The following MACROD2 variants were observed in gnomAD, a reference collection of about 807,000 sequenced individuals.
The protein encoded by MACROD2 is ADP-ribose glycohydrolase MACROD2.
MACROD2 carries 36 observed loss-of-function variants against 70.4 expected under a neutral mutation model. The observed-to-expected ratio is 0.51, with a 90% confidence interval of 0.39 to 0.68. The LOEUF (loss-of-function observed/expected upper bound fraction) is 0.68. Ranked by LOEUF, MACROD2 falls within the 30% of genes least tolerant of loss-of-function variation. The pLI is 0.00. For synonymous variants in MACROD2, 172 were observed against 178.8 expected (o/e 0.96, Z 0.30); for missense variants, 496 against 538.4 (o/e 0.92, Z 0.78).
intron 8 of MACROD2, among the ~76,000 whole-genome samples, chr20:15,585,479 A>G (rs1176393379): frequency 2.0e-5 from 3 of 152,124 alleles, no homozygotes; most frequent in African/African-American, 7.2e-5. Flanking sequence ...TAGAGGCGTG[A>G]GCCACCATGC....
chr20:14,235,362 C>T (rs996363846), intron 3 of MACROD2, among the ~76,000 whole-genome samples: 2 of 152,070 alleles, frequency 1.3e-5, no homozygotes, highest in Admixed American at 1.3e-4. Flanking sequence ...CACACACATT[C>T]CCATTTTGTA....
chr20:14,399,168 C>A (rs145684062), intron 3 of MACROD2, among the ~76,000 whole-genome samples: 2 of 152,066 alleles, frequency 1.3e-5, no homozygotes, highest in African/African-American at 4.8e-5. Context: ...TATAGGCACA[C>A]GCCACCACAA....
At chr20:14,561,367 G>A (rs1035044424) in intron 4 of MACROD2, among the ~76,000 whole-genome samples, 1 of 151,566 alleles carries the variant, frequency 6.6e-6, no homozygotes, top group African/African-American at 2.4e-5. Flanking sequence ...TAAGATTATG[G>A]AGTAGAAACC....
At position 14,275,256 on chromosome 20, in the gene MACROD2, C is replaced by T. The variant is rs540390886; in HGVS notation, c.271+189528C>T. The stretch of plus-strand genomic sequence containing the variant: ...TACTACAAGGCTACAGTAACCCAAA[C>T]GGCATGGTACTGGTACCCAAACAGA... On this transcript the variant is annotated intron_variant, in intron 3 of 17. Coordinates refer to ENST00000684519, the MANE Select transcript of MACROD2 (RefSeq NM_001351661.2). 2.7e-3 allele frequency among the ~76,000 whole-genome samples: 407 copies of T among 152,262 alleles called. 1 individual carries two copies. Among genetic ancestry groups the T allele is most frequent in the African/African-American group, 9.5e-3 (394 of 41,540 alleles).
At chr20:15,150,869 C>T (rs426883) in intron 5 of MACROD2, among the ~76,000 whole-genome samples, 25,546 of 151,704 alleles carry the variant, frequency 0.17, 2,756 homozygotes, top group East Asian at 0.49. Context: ...TAAGTTGGCA[C>T]CAGAGTTGGG....
intron 5 of MACROD2, among the ~76,000 whole-genome samples, chr20:15,208,188 T>C (rs2076728515): frequency 6.6e-6 from 1 of 152,210 alleles, no homozygotes; most frequent in Admixed American, 6.5e-5. Flanking sequence ...CTTCCCTCTG[T>C]CCTCTCCATT....
intron 5 of MACROD2, among the ~76,000 whole-genome samples, chr20:15,136,006 G>A: frequency 6.8e-6 from 1 of 147,974 alleles, no homozygotes; most frequent in Non-Finnish European, 1.5e-5. Flanking sequence ...ACTTACAAGG[G>A]ATGTGAAGGA....
At chr20:15,152,142 T>C (rs1051587735) in intron 5 of MACROD2, among the ~76,000 whole-genome samples, 15 of 151,966 alleles carry the variant, frequency 9.9e-5, no homozygotes, top group African/African-American at 3.4e-4. Flanking sequence ...GATGGAAAAA[T>C]TGAAAGTGCC....
chr20:15,143,852 G>C (rs191159349), intron 5 of MACROD2, among the ~76,000 whole-genome samples: 84 of 151,498 alleles, frequency 5.5e-4, no homozygotes, highest in African/African-American at 1.7e-3. Flanking sequence ...ACTAGAGAAG[G>C]GGTGTTCAAT....
intron 4 of MACROD2, among the ~76,000 whole-genome samples, chr20:14,648,650 C>T (rs1053333537): frequency 6.9e-6 from 1 of 145,404 alleles, no homozygotes; most frequent in African/African-American, 2.7e-5. Flanking sequence ...ATCTATCTCA[C>T]ATACTCAGAG....
intron 4 of MACROD2, among the ~76,000 whole-genome samples, chr20:14,668,892 C>T (rs540111263): frequency 5.7e-4 from 87 of 151,674 alleles, no homozygotes; most frequent in Admixed American, 5.7e-3. Context: ...GAACTATGAG[C>T]CCTATTGAAT....
chr20:14,800,522 G>T (rs529624372), intron 5 of MACROD2, among the ~76,000 whole-genome samples: 1 of 152,036 alleles, frequency 6.6e-6, no homozygotes, highest in East Asian at 1.9e-4. Context: ...TCATTATAAC[G>T]TATCTGATGA....
intron 5 of MACROD2, among the ~76,000 whole-genome samples, chr20:14,911,066 A>G (rs1220494194): frequency 6.6e-6 from 1 of 152,164 alleles, no homozygotes; most frequent in Non-Finnish European, 1.5e-5. Context: ...CTCATTGAAG[A>G]GGGCCATTTG....
chr20:14,425,172 C>A (rs1449277095), intron 3 of MACROD2, among the ~76,000 whole-genome samples: 3 of 152,138 alleles, frequency 2.0e-5, no homozygotes, highest in Non-Finnish European at 1.5e-5. Flanking sequence ...CCAGTGTTAG[C>A]TTAAGTTTTT....
chr20:14,247,592 G>C (rs763505104), intron 3 of MACROD2, among the ~76,000 whole-genome samples: 2 of 152,202 alleles, frequency 1.3e-5, no homozygotes, highest in Non-Finnish European at 2.9e-5. Flanking sequence ...AATTCAAAAT[G>C]TTCCAAAATC....
intron 6 of MACROD2, among the ~76,000 whole-genome samples, chr20:15,362,939 G>C (rs1644255768): frequency 6.6e-6 from 1 of 151,416 alleles, no homozygotes; most frequent in Non-Finnish European, 1.5e-5. Context: ...AAGAGAAGAG[G>C]GGAAAGGGGA....
intron 4 of MACROD2, among the ~76,000 whole-genome samples, chr20:14,633,141 A>C (rs1408448117): frequency 6.6e-6 from 1 of 152,220 alleles, no homozygotes; most frequent in Non-Finnish European, 1.5e-5. Flanking sequence ...CTGTGGTTGC[A>C]TCACTCCAGT....
intron 5 of MACROD2, among the ~76,000 whole-genome samples, chr20:15,019,330 G>A (rs1220471562): frequency 2.0e-5 from 3 of 152,098 alleles, no homozygotes; most frequent in African/African-American, 7.2e-5. Flanking sequence ...AGTCAAAAAC[G>A]AAGCAAAACA....
intron 7 of MACROD2, among the ~76,000 whole-genome samples, chr20:15,485,302 A>C (rs77155422): frequency 0.014 from 2,067 of 150,770 alleles, 24 homozygotes; most frequent in Non-Finnish European, 0.021. Context: ...GAATTGCTTC[A>C]ATCTACACAA....
Sources: allele counts gnomAD v4.1 joint callset (sites outside exome capture counted in the v4.1 genomes callset), GRCh38; gene constraint gnomAD v4.1.1; transcripts MANE v1.5; gene names NCBI Gene and HGNC (gene_info 2026-07-23, HGNC 2026-07-21).